The following TAFA1 variants were observed in gnomAD, a reference collection of about 807,000 sequenced individuals.
TAFA1 encodes the protein TAFA chemokine like family member 1.
Under a neutral mutation model 18.5 loss-of-function variants are expected in TAFA1, and 4 were observed. That is an observed-to-expected ratio of 0.22 (90% confidence interval 0.11 to 0.49). The LOEUF is 0.49. Ranked by LOEUF, TAFA1 falls within the 20% of genes least tolerant of loss-of-function variation. The pLI is 0.98. For synonymous variants in TAFA1, 56 were observed against 55.2 expected (o/e 1.01, Z -0.06); for missense variants, 147 against 169.0 (o/e 0.87, Z 0.72).
Position 68,489,339 on chromosome 3 carries a change from A to G in TAFA1, c.260-49417A>G, listed in dbSNP as rs559314112. On this transcript the variant is annotated intron_variant, in intron 3 of 4. Coordinates refer to ENST00000478136, the MANE Select transcript of TAFA1 (RefSeq NM_213609.4). ...ATGAGGAGCCAATGCTACCAATTCTATGGTCTACCAAGAAAAGTCTGAAAG... is the reference window on the plus strand; with the variant it reads ...ATGAGGAGCCAATGCTACCAATTCTGTGGTCTACCAAGAAAAGTCTGAAAG... 4.6e-5 allele frequency among the ~76,000 whole-genome samples: 7 copies of G among 152,332 alleles called. No individual in the cohort carries two copies. In the South Asian group the frequency reaches 8.3e-4, roughly 18 times the overall value.
At chr3:68,207,120 A>T (rs529072939) in intron 2 of TAFA1, among the ~76,000 whole-genome samples, 5 of 152,074 alleles carry the variant, frequency 3.3e-5, no homozygotes, top group Admixed American at 1.3e-4. Flanking sequence ...AAATTGAATG[A>T]TGAATAGTTT....
chr3:68,052,080 T>G (rs2064477398), intron 2 of TAFA1, among the ~76,000 whole-genome samples: 1 of 152,160 alleles, frequency 6.6e-6, no homozygotes, highest in South Asian at 2.1e-4. Flanking sequence ...TATTTACACC[T>G]GTTTGACTCT....
intron 2 of TAFA1, among the ~76,000 whole-genome samples, chr3:68,050,900 A>G (rs1419045922): frequency 6.6e-6 from 1 of 152,106 alleles, no homozygotes; most frequent in African/African-American, 2.4e-5. Flanking sequence ...GGTGGGCTGG[A>G]TTTGACCCAC....
chr3:68,204,219 T>C (rs1011602624), intron 2 of TAFA1, among the ~76,000 whole-genome samples: 2 of 151,748 alleles, frequency 1.3e-5, no homozygotes, highest in Non-Finnish European at 2.9e-5. Flanking sequence ...TTTTTACTTG[T>C]TGTTTGGGTG....
chr3:68,132,028 T>C (rs1422091386), intron 2 of TAFA1, among the ~76,000 whole-genome samples: 3 of 152,130 alleles, frequency 2.0e-5, no homozygotes, highest in Non-Finnish European at 2.9e-5. Flanking sequence ...ATCCCTCCTC[T>C]AGCCCCTCAT....
chr3:68,003,711 A>AT (rs1260200297), upstream of TAFA1, among the ~76,000 whole-genome samples: 2 of 152,110 alleles, frequency 1.3e-5, no homozygotes, highest in Non-Finnish European at 2.9e-5. Context: ...GAGAGGAAAA[A>AT]TTTTTTAAAA....
At chr3:68,134,360 T>C (rs1444151065) in intron 2 of TAFA1, among the ~76,000 whole-genome samples, 1 of 152,032 alleles carries the variant, frequency 6.6e-6, no homozygotes, top group Admixed American at 6.5e-5. Flanking sequence ...TGAGTGCGTG[T>C]GTGTGTGTGT....
chr3:68,250,488 G>A (rs1178439977), intron 2 of TAFA1, among the ~76,000 whole-genome samples: 4 of 152,032 alleles, frequency 2.6e-5, no homozygotes, highest in Non-Finnish European at 2.9e-5. Flanking sequence ...AACCTCCACT[G>A]CATATTTTGT....
chr3:68,373,011 A>ATC, intron 2 of TAFA1, among the ~76,000 whole-genome samples: 1 of 152,288 alleles, frequency 6.6e-6, no homozygotes, highest in South Asian at 2.1e-4. Context: ...AGCCCAAGAA[A>ATC]TTTGATCATC....
At chr3:68,445,550 T>G (rs1031925119) in intron 3 of TAFA1, among the ~76,000 whole-genome samples, 1 of 152,164 alleles carries the variant, frequency 6.6e-6, no homozygotes, top group Non-Finnish European at 1.5e-5. Flanking sequence ...GAAATTAGCA[T>G]TCAGCGTGAA....
chr3:68,190,914 C>A (rs903141827), intron 2 of TAFA1, among the ~76,000 whole-genome samples: 9 of 151,800 alleles, frequency 5.9e-5, no homozygotes, highest in Non-Finnish European at 1.2e-4. Flanking sequence ...TCCTGAGGCA[C>A]AATTTTAACA....
intron 2 of TAFA1, among the ~76,000 whole-genome samples, chr3:68,347,787 C>T (rs976782642): frequency 6.6e-6 from 1 of 152,190 alleles, no homozygotes; most frequent in Non-Finnish European, 1.5e-5. Context: ...CAACAGTCAA[C>T]TACAATATGC....
At chr3:68,377,833 C>T (rs556135335) in intron 2 of TAFA1, among the ~76,000 whole-genome samples, 62 of 152,268 alleles carry the variant, frequency 4.1e-4, no homozygotes, top group Middle Eastern at 6.8e-3. Flanking sequence ...ATCCCAGCTG[C>T]TCCAGCTCCA....
intron 3 of TAFA1, among the ~76,000 whole-genome samples, chr3:68,533,513 G>A (rs543121044): frequency 5.9e-5 from 9 of 152,282 alleles, no homozygotes; most frequent in African/African-American, 1.9e-4. Flanking sequence ...AGGCTTTAGT[G>A]AGTGATCACT....
At chr3:68,106,753 C>T (rs903273526) in intron 2 of TAFA1, among the ~76,000 whole-genome samples, 1 of 151,950 alleles carries the variant, frequency 6.6e-6, no homozygotes, top group African/African-American at 2.4e-5. Context: ...CTAAGAAAAC[C>T]AAATGGGCAA....
intron 2 of TAFA1, among the ~76,000 whole-genome samples, chr3:68,169,121 C>A (rs1186761993): frequency 6.6e-6 from 1 of 151,992 alleles, no homozygotes; most frequent in African/African-American, 2.4e-5. Context: ...CTGTGCCCTT[C>A]CCACACCGAA....
At chr3:68,338,163 C>T (rs764798086) in intron 2 of TAFA1, among the ~76,000 whole-genome samples, 1 of 152,160 alleles carries the variant, frequency 6.6e-6, no homozygotes, top group Non-Finnish European at 1.5e-5. Context: ...TTGGATGAGG[C>T]CATGCTTTAA....
intron 2 of TAFA1, among the ~76,000 whole-genome samples, chr3:68,285,936 G>A (rs2067993494): frequency 6.6e-6 from 1 of 152,208 alleles, no homozygotes; most frequent in South Asian, 2.1e-4. Context: ...GACCAGGCCA[G>A]GTGCAGTGGC....
chr3:68,254,063 ATCTG>A (rs1010819914), intron 2 of TAFA1, among the ~76,000 whole-genome samples: 17 of 151,986 alleles, frequency 1.1e-4, no homozygotes, highest in South Asian at 4.2e-4. Flanking sequence ...GTTTCTGTCT[ATCTG>A]TCTGTCTGTC....
Sources: allele counts gnomAD v4.1 joint callset (sites outside exome capture counted in the v4.1 genomes callset), GRCh38; gene constraint gnomAD v4.1.1; transcripts MANE v1.5; gene names NCBI Gene and HGNC (gene_info 2026-07-23, HGNC 2026-07-21).